NTRK3: variants seen among roughly 807,000 people sequenced by gnomAD.
NTRK3 encodes NT-3 growth factor receptor.
In NTRK3, 24 loss-of-function variants were observed where a neutral mutation model predicts 91.7. That is an observed-to-expected ratio of 0.26 (90% CI 0.19 to 0.37). NTRK3 has a LOEUF of 0.37. Ranked by LOEUF, NTRK3 falls within the 10% of genes least tolerant of loss-of-function variation. The probability of loss-of-function intolerance (pLI) is 1.00; values close to 1 mark genes in which losing one functional copy is unlikely to be tolerated. For missense variants in NTRK3, 880 were observed against 1,068.9 expected, an observed-to-expected ratio of 0.82 and a Z score of 2.46; for synonymous variants, 483 against 404.0, an observed-to-expected ratio of 1.20 and a Z score of -2.34.
At chr15:88,238,327 T>C (rs1446496360) in intron 3 of NTRK3, among the ~76,000 whole-genome samples, 8 of 152,226 alleles carry the variant, frequency 5.3e-5, no homozygotes, top group Admixed American at 2.6e-4. Context: ...ATAATCTTTT[T>C]ATCGCTTAGG....
intron 14 of NTRK3, among the ~76,000 whole-genome samples, chr15:87,984,480 T>C (rs1483600917): frequency 6.6e-6 from 1 of 152,200 alleles, no homozygotes; most frequent in East Asian, 1.9e-4. Flanking sequence ...TCTCATGCCA[T>C]CGGATTCAAT....
intron 5 of NTRK3, among the ~76,000 whole-genome samples, chr15:88,170,334 A>C (rs547255631): frequency 2.0e-4 from 30 of 152,226 alleles, no homozygotes; most frequent in Non-Finnish European, 4.0e-4. Flanking sequence ...AACTGAGACC[A>C]GGTTGCATTT....
At chr15:88,159,661 C>A (rs557750378) in intron 5 of NTRK3, among the ~76,000 whole-genome samples, 2 of 152,216 alleles carry the variant, frequency 1.3e-5, no homozygotes, top group East Asian at 1.9e-4. Context: ...GTCATGTGAG[C>A]AGATGAAAAG....
intron 14 of NTRK3, among the ~76,000 whole-genome samples, chr15:87,973,159 C>A (rs1487553919): frequency 1.3e-5 from 2 of 152,094 alleles, no homozygotes; most frequent in African/African-American, 4.8e-5. Flanking sequence ...CACAAACACC[C>A]AGATATTTTG....
chr15:87,877,105 T>C, exon 19 of NTRK3: 63 of 1,614,066 alleles, frequency 3.9e-5, no homozygotes, highest in Non-Finnish European at 5.3e-5. Flanking sequence ...CGACCTTGGG[T>C]AATGCACTCA....
chr15:88,043,998 A>T (rs755274480), intron 13 of NTRK3, among the ~76,000 whole-genome samples: 52 of 152,130 alleles, frequency 3.4e-4, no homozygotes, highest in Non-Finnish European at 4.0e-4. Flanking sequence ...TGTCACCCCC[A>T]GAAAAGTCAG....
intron 13 of NTRK3, among the ~76,000 whole-genome samples, chr15:88,074,946 C>T (rs1025844399): frequency 3.3e-5 from 5 of 152,190 alleles, no homozygotes; most frequent in Admixed American, 3.3e-4. Flanking sequence ...ATGTAAGGGA[C>T]TTTCTACATC....
At chr15:88,001,638 C>G (rs922639296) in intron 14 of NTRK3, among the ~76,000 whole-genome samples, 3 of 152,120 alleles carry the variant, frequency 2.0e-5, no homozygotes, top group Non-Finnish European at 4.4e-5. Flanking sequence ...GTTGAAAAAT[C>G]AGTTGACCGC....
At chr15:87,944,063 C>A (rs1317990260) in intron 14 of NTRK3, among the ~76,000 whole-genome samples, 1 of 152,184 alleles carries the variant, frequency 6.6e-6, no homozygotes, top group African/African-American at 2.4e-5. Context: ...AATTCTGACA[C>A]CAATACCTGT....
chr15:87,879,666 C>G (rs1403455470), intron 18 of NTRK3, among the ~76,000 whole-genome samples: 1 of 152,138 alleles, frequency 6.6e-6, no homozygotes, highest in Admixed American at 6.5e-5. Flanking sequence ...TTTATGTTTA[C>G]TAGCATTTTT....
intron 13 of NTRK3, among the ~76,000 whole-genome samples, chr15:88,040,699 A>G (rs1404069689): frequency 6.6e-6 from 1 of 152,210 alleles, no homozygotes; most frequent in African/African-American, 2.4e-5. Flanking sequence ...TTGCCCAGCC[A>G]ACGTGTAGAA....
At chr15:87,930,278 A>G (rs1040104935) in intron 16 of NTRK3, among the ~76,000 whole-genome samples, 2 of 152,110 alleles carry the variant, frequency 1.3e-5, no homozygotes, top group East Asian at 3.9e-4. Flanking sequence ...TTGCCTGATC[A>G]TATCAGTCAC....
At chr15:87,996,866 A>G (rs2075743370) in intron 14 of NTRK3, among the ~76,000 whole-genome samples, 1 of 152,204 alleles carries the variant, frequency 6.6e-6, no homozygotes, top group South Asian at 2.1e-4. Flanking sequence ...AATTTATTTT[A>G]TAAACTTTTA....
intron 3 of NTRK3, among the ~76,000 whole-genome samples, chr15:88,239,624 C>T (rs1338903781): frequency 6.6e-6 from 1 of 152,090 alleles, no homozygotes; most frequent in Non-Finnish European, 1.5e-5. Flanking sequence ...GAGAACCAGG[C>T]ACCACATCAG....
chr15:88,103,663 G>A (rs760429188), intron 13 of NTRK3, among the ~76,000 whole-genome samples: 7 of 152,038 alleles, frequency 4.6e-5, no homozygotes, highest in Non-Finnish European at 1.0e-4. Context: ...ACTCTGGGAG[G>A]GGATTCATAG....
At chr15:88,199,805 CAG>C (rs2048146277) in intron 3 of NTRK3, among the ~76,000 whole-genome samples, 1 of 152,332 alleles carries the variant, frequency 6.6e-6, no homozygotes, top group Non-Finnish European at 1.5e-5. Context: ...CCAGTAGCAG[CAG>C]AGTTTACTCA....
At chr15:88,119,285 G>C (rs540965085) in intron 13 of NTRK3, among the ~76,000 whole-genome samples, 1 of 152,350 alleles carries the variant, frequency 6.6e-6, no homozygotes, top group South Asian at 2.1e-4. Context: ...GTCATCAAGT[G>C]GGGTGGGCCT....
At chr15:88,107,257 A>ACATGGCAAAACC (rs2050818068) in intron 13 of NTRK3, among the ~76,000 whole-genome samples, 1 of 152,138 alleles carries the variant, frequency 6.6e-6, no homozygotes. Context: ...AGGCTGGGCA[A>ACATGGCAAAACC]CATGGCAAAA....
chr15:87,925,144 T>A (rs1017215404), intron 17 of NTRK3, among the ~76,000 whole-genome samples: 4 of 152,180 alleles, frequency 2.6e-5, no homozygotes, highest in African/African-American at 9.7e-5. Context: ...AGTCAGTGAT[T>A]CACAGAAGGA....
Sources: gnomAD v4.1 joint callset for allele counts (sites outside exome capture counted in the v4.1 genomes callset) on GRCh38, gnomAD v4.1.1 for gene constraint, MANE v1.5 for transcripts, NCBI Gene and HGNC (gene_info 2026-07-23, HGNC 2026-07-21) for gene names.